The following KCNK12 variants were observed in gnomAD, a reference collection of about 807,000 sequenced individuals.
The protein encoded by KCNK12 is potassium two pore domain channel subfamily K member 12.
Under a neutral mutation model 25.3 loss-of-function variants are expected in KCNK12, and 6 were observed. The ratio of observed to expected loss-of-function variants is 0.24; its 90% CI spans 0.13 to 0.47. The LOEUF is 0.47. Among genes scored for constraint, KCNK12 ranks in the 20% least tolerant of loss-of-function variants. The pLI is 0.99. For synonymous variants in KCNK12, 331 were observed against 311.1 expected (o/e 1.06, Z -0.67); for missense variants, 444 against 661.7 (o/e 0.67, Z 3.61).
chr2:47,550,922 G>A (rs961636474), intron 1 of KCNK12, among the ~76,000 whole-genome samples: 5 of 151,918 alleles, frequency 3.3e-5, no homozygotes, highest in African/African-American at 1.2e-4. Flanking sequence ...TATTTCCCCC[G>A]TACAGTTTTT....
At position 47,538,856 on chromosome 2, in the gene KCNK12, C is replaced by T. The variant is rs541132190; in HGVS notation, c.392-17048G>A. 1.2e-4 allele frequency among the ~76,000 whole-genome samples: 19 copies of T among 152,220 alleles called. No individual in the cohort carries two copies. The highest frequency in any genetic ancestry group is 4.3e-4 in the African/African-American group (18 of 41,544). ...GTCCCTGAAATGAGAAAAACCATGA[C>T]TTTCATTTGATTTTAATGTGAGGGA... On this transcript the variant is annotated intron_variant, in intron 1 of 1. Transcript: ENST00000327876. The surrounding 1 kb of genome is among the most constrained non-coding windows in gnomAD (Gnocchi z 4.5).
At chr2:47,532,245 G>T (rs1668949614) in intron 1 of KCNK12, among the ~76,000 whole-genome samples, 1 of 151,902 alleles carries the variant, frequency 6.6e-6, no homozygotes, top group Admixed American at 6.6e-5. Flanking sequence ...AAAAACCCTG[G>T]GGAGCACTGC....
chr2:47,531,808 A>G (rs1023767990), intron 1 of KCNK12, among the ~76,000 whole-genome samples: 1 of 152,208 alleles, frequency 6.6e-6, no homozygotes, highest in East Asian at 1.9e-4. Context: ...TCCTGTGATA[A>G]GACAGAAGTT....
rs1668838874 is a variant in KCNK12 at position 47,528,441 on chromosome 2, AT to A, written c.392-6634del. 1 of 152,308 alleles carries A rather than the reference AT, an allele frequency of 6.6e-6. No individual in the cohort carries two copies. Among genetic ancestry groups the A allele is most frequent in the South Asian group, 2.1e-4 (1 of 4,828 alleles). The allele number at this position is 152,308 out of a possible 1,614,324, so 9.4% of individuals were successfully genotyped here. Reference sequence around the variant, plus strand: ...CTTCCTGCTGAGGGCACTGGGGCCTATGCTTGTGCCACTGCCTAGCCAGTTG... The same window carrying A: ...CTTCCTGCTGAGGGCACTGGGGCCTAGCTTGTGCCACTGCCTAGCCAGTTG... On this transcript the variant is annotated intron_variant, in intron 1 of 1. Coordinates refer to ENST00000327876, the MANE Select transcript of KCNK12 (RefSeq NM_022055.2). The surrounding 1 kb of genome is among the most constrained non-coding windows in gnomAD (Gnocchi z 4.5).
chr2:47,530,413 A>T (rs998858720), intron 1 of KCNK12, among the ~76,000 whole-genome samples: 1 of 151,916 alleles, frequency 6.6e-6, no homozygotes, highest in Non-Finnish European at 1.5e-5. Context: ...TCCATGTCAC[A>T]CCCCCGGGGA....
chr2:47,521,788 C>T lies in KCNK12; in HGVS notation c.412G>A (p.Ala138Thr), dbSNP rs775985336. Residue 138 changes from alanine to threonine, a missense_variant, in exon 2 of 2, where the codon GCG (alanine) becomes ACG (threonine). This residue lies in a region of KCNK12 where 44 missense variants were observed against 100.7 expected (regional missense o/e 0.44). Coordinates refer to ENST00000327876, the MANE Select transcript of KCNK12 (RefSeq NM_022055.2). The stretch of plus-strand genomic sequence containing the variant: ...AGGAAGGCCTTCCCGCCCACCGTCG[C>T]GGGGGTGGTCATGCCGAAACCTGTG... ...STIGFGMTTPATVGGKAFLIA... is the reference protein window; with the variant it reads ...STIGFGMTTPTTVGGKAFLIA... 7.6e-7 allele frequency: 1 copy of T among 1,309,824 alleles called. No homozygotes were observed. Among genetic ancestry groups the T allele is most frequent in the Admixed American group, 2.7e-5 (1 of 36,500 alleles). 81.1% of individuals were successfully genotyped at this position (1,309,824 alleles called of 1,614,324 possible). A position where few individuals can be genotyped will look rare whatever the true frequency, so the allele number is the denominator to read the frequency against.
In KCNK12 at chr2:47,509,972, T is replaced by A. The variant is rs1413347140; in HGVS notation, c.*10935A>T. On this transcript the variant is annotated 3_prime_UTR_variant, in exon 2 of 2. Transcript: ENST00000327876. Reference sequence around the variant, plus strand: ...TCACTTCACACCCATCCCAATCCCCTCCCCCTTGCTGTCCTCTTGTACAGA... The same window carrying A: ...TCACTTCACACCCATCCCAATCCCCACCCCCTTGCTGTCCTCTTGTACAGA... 6.6e-6 allele frequency: 1 copy of A among 151,966 alleles called. No homozygotes were observed. Among genetic ancestry groups the A allele is most frequent in the Non-Finnish European group, 1.5e-5 (1 of 68,006 alleles). The allele number at this position is 151,966 out of a possible 1,614,324, so 9.4% of individuals were successfully genotyped here. A position where few individuals can be genotyped will look rare whatever the true frequency, so the allele number is the denominator to read the frequency against.
chr2:47,552,373 C>T (rs1669455193), intron 1 of KCNK12, among the ~76,000 whole-genome samples: 1 of 152,144 alleles, frequency 6.6e-6, no homozygotes. Flanking sequence ...CCTCCAGCCT[C>T]AGCCTGCTTC....
chr2:47,559,108 G>A (rs1210292139), intron 1 of KCNK12, among the ~76,000 whole-genome samples: 1 of 152,212 alleles, frequency 6.6e-6, no homozygotes, highest in African/African-American at 2.4e-5. Flanking sequence ...GCTTTCTGAG[G>A]GTAACAAGGG....
chr2:47,531,853 T>A (rs775106275), intron 1 of KCNK12, among the ~76,000 whole-genome samples: 2 of 152,174 alleles, frequency 1.3e-5, no homozygotes, highest in African/African-American at 2.4e-5. Flanking sequence ...TGGGCCAAGC[T>A]GTCACTTCAG....
rs187664357 is a variant in KCNK12, at chr2:47,562,939, G to A, written c.391+7002C>T. Reference sequence around the variant, plus strand: ...GCTGGTGGCCCCATGCAGAGCCCCCGACCCCGGAAAGTCAGTGGAACTGGA... The same window carrying A: ...GCTGGTGGCCCCATGCAGAGCCCCCAACCCCGGAAAGTCAGTGGAACTGGA... On this transcript the variant is annotated intron_variant, in intron 1 of 1. Coordinates refer to ENST00000327876, the MANE Select transcript of KCNK12 (RefSeq NM_022055.2). This position sits in a 1 kb window ranked among gnomAD's most constrained non-coding sequence, Gnocchi z 4.8. 2.6e-5 allele frequency: 6 copies of A among 233,524 alleles called. No homozygotes were observed. Among genetic ancestry groups the A allele is most frequent in the Admixed American group, 5.6e-5 (1 of 17,798 alleles). 14.5% of individuals were successfully genotyped at this position (233,524 alleles called of 1,614,324 possible).
At chr2:47,543,605 CT>C (rs1456047882) in intron 1 of KCNK12, 4 of 152,228 alleles carry the variant, frequency 2.6e-5, no homozygotes, top group Admixed American at 6.5e-5. Flanking sequence ...GCAAGACAAC[CT>C]AGAAGGTGAT....
Position 47,528,857 on chromosome 2 carries a change from T to C in KCNK12, c.392-7049A>G, listed in dbSNP as rs1448851890. On this transcript the variant is annotated intron_variant, in intron 1 of 1. Coordinates refer to ENST00000327876, the MANE Select transcript of KCNK12 (RefSeq NM_022055.2). This position sits in a 1 kb window ranked among gnomAD's most constrained non-coding sequence, Gnocchi z 4.5. ...AGTGAGATGGAGAGGCCAGCACTGA[T>C]CTGTATCGTGCAGCCCTGGGCGGCA... Among the ~76,000 whole-genome samples the C allele has an allele frequency of 3.3e-5, 5 of 152,138 alleles. No homozygotes were observed. The East Asian group carries it at 7.7e-4, about 24-fold the overall frequency.
At chr2:47,541,558 A>T (rs56983268) in intron 1 of KCNK12, among the ~76,000 whole-genome samples, 2,965 of 152,212 alleles carry the variant, frequency 0.019, 107 homozygotes, top group African/African-American at 0.068. Flanking sequence ...ATGCCCATAC[A>T]TTCATAGGTT....
chr2:47,569,833 T>C lies in KCNK12; in HGVS notation c.391+108A>G, dbSNP rs1669852221. On this transcript the variant is annotated intron_variant, in intron 1 of 1. Coordinates refer to ENST00000327876, the MANE Select transcript of KCNK12 (RefSeq NM_022055.2). This position sits in a 1 kb window ranked among gnomAD's most constrained non-coding sequence, Gnocchi z 4.1. ...GAGACGAAAGTAAGCAAAGGGACAT[T>C]AGAAGGGAAGGCAGAGCCGAGGGAC... 3.3e-6 allele frequency: 3 copies of C among 896,622 alleles called. No homozygotes were observed. The highest frequency in any genetic ancestry group is 4.4e-5 in the Admixed American group (1 of 22,792). The allele number at this position is 896,622 out of a possible 1,614,324, so 55.5% of individuals were successfully genotyped here. A position where few individuals can be genotyped will look rare whatever the true frequency, so the allele number is the denominator to read the frequency against.
Position 47,512,274 on chromosome 2 carries a change from A to C in KCNK12, c.*8633T>G. ...ATGGAAATCCCCGTGGAACTCCTAC[A>C]TTTTCTCCTCTCTTCTCCTTCCTTT... On this transcript the variant is annotated 3_prime_UTR_variant, in exon 2 of 2. Coordinates refer to ENST00000327876, the MANE Select transcript of KCNK12 (RefSeq NM_022055.2). The C allele has an allele frequency of 6.2e-7, 1 of 1,610,848 alleles. No individual in the cohort carries two copies. The highest frequency in any genetic ancestry group is 1.1e-5 in the South Asian group (1 of 90,558).
rs1669693185 is a variant in KCNK12, at chr2:47,562,453, T to A, written c.391+7488A>T. The A allele has an allele frequency of 3.8e-6, 1 of 262,950 alleles. No individual in the cohort carries two copies. The highest frequency in any genetic ancestry group is 7.2e-6 in the Non-Finnish European group (1 of 138,706). The allele number at this position is 262,950 out of a possible 1,614,324, so 16.3% of individuals were successfully genotyped here. A position where few individuals can be genotyped will look rare whatever the true frequency, so the allele number is the denominator to read the frequency against. On this transcript the variant is annotated intron_variant, in intron 1 of 1. Coordinates refer to ENST00000327876, the MANE Select transcript of KCNK12 (RefSeq NM_022055.2). This position sits in a 1 kb window ranked among gnomAD's most constrained non-coding sequence, Gnocchi z 4.8. ...GGCACACCAGTTACCACTGACCTGC[T>A]AGTAAGCCAGGAACTTAGCCCCATG...
At chr2:47,537,491 C>T (rs975020901) in intron 1 of KCNK12, among the ~76,000 whole-genome samples, 11 of 152,074 alleles carry the variant, frequency 7.2e-5, no homozygotes, top group African/African-American at 2.4e-4. Flanking sequence ...CCACGACGCC[C>T]AGCTAATTTT....
Position 47,563,021 on chromosome 2 carries a change from C to G in KCNK12, c.391+6920G>C, listed in dbSNP as rs1458730906. The G allele has an allele frequency of 2.1e-5, 5 of 233,350 alleles. No homozygotes were observed. In the East Asian group the frequency reaches 2.4e-4, roughly 11 times the overall value. The allele number at this position is 233,350 out of a possible 1,614,324, so 14.5% of individuals were successfully genotyped here. Reference sequence around the variant, plus strand: ...GAGGACTCCAGAGCTGGGGGTGACACAGGAATAGACCAACGGCCTTTTGTT... The same window carrying G: ...GAGGACTCCAGAGCTGGGGGTGACAGAGGAATAGACCAACGGCCTTTTGTT... On this transcript the variant is annotated intron_variant, in intron 1 of 1. Coordinates refer to ENST00000327876, the MANE Select transcript of KCNK12 (RefSeq NM_022055.2).
Sources: gnomAD v4.1 joint callset for allele counts (sites outside exome capture counted in the v4.1 genomes callset) on GRCh38, gnomAD v4.1.1 for gene constraint, gnomAD v4.1.1 regional missense constraint, Gnocchi (gnomAD v3.1) non-coding constraint, MANE v1.5 for transcripts, NCBI Gene and HGNC (gene_info 2026-07-23, HGNC 2026-07-21) for gene names.